Variants in DPT observed in about 807,000 individuals in gnomAD.
The protein encoded by DPT is dermatopontin.
DPT carries 21 observed loss-of-function variants against 31.2 expected under a neutral mutation model. The observed-to-expected ratio is 0.67, with a 90% confidence interval of 0.48 to 0.97. DPT has a LOEUF of 0.97. Ranked by LOEUF, DPT falls within the 50% of genes least tolerant of loss-of-function variation. The pLI is 0.00. For missense variants in DPT, 262 were observed against 258.8 expected (o/e 1.01, Z -0.08); for synonymous variants, 91 against 86.9 (o/e 1.05, Z -0.26).
At chr1:168,711,019 CT>C (rs968317059) in intron 2 of DPT, among the ~76,000 whole-genome samples, 1 of 143,486 alleles carries the variant, frequency 7.0e-6, no homozygotes. Context: ...TCTTCTTCTT[CT>C]TTTTTTTTGA....
intron 2 of DPT, among the ~76,000 whole-genome samples, chr1:168,703,248 C>T (rs1260949015): frequency 6.6e-6 from 1 of 152,120 alleles, no homozygotes; most frequent in African/African-American, 2.4e-5. Flanking sequence ...ATCCAATTGC[C>T]AAAAGTATTT....
intron 1 of DPT, among the ~76,000 whole-genome samples, chr1:168,725,175 C>T (rs961800634): frequency 7.6e-6 from 1 of 131,692 alleles, no homozygotes; most frequent in Non-Finnish European, 1.6e-5. Flanking sequence ...AGGTGGGAGT[C>T]ACACCTTCCT....
At chr1:168,728,023 T>C (rs1650288888) in intron 1 of DPT, among the ~76,000 whole-genome samples, 1 of 152,116 alleles carries the variant, frequency 6.6e-6, no homozygotes, top group Non-Finnish European at 1.5e-5. Context: ...TTGTAAATAA[T>C]CAGCCTAGCA....
At chr1:168,717,562 A>T (rs569385375) in intron 1 of DPT, among the ~76,000 whole-genome samples, 1 of 152,268 alleles carries the variant, frequency 6.6e-6, no homozygotes, top group African/African-American at 2.4e-5. Flanking sequence ...TAGTTCAATT[A>T]GATCCCATTT....
At chr1:168,701,489 T>C (rs1649596496) in intron 2 of DPT, among the ~76,000 whole-genome samples, 1 of 152,150 alleles carries the variant, frequency 6.6e-6, no homozygotes, top group Non-Finnish European at 1.5e-5. Flanking sequence ...CATTAGTTGA[T>C]AACAAAATCA....
At chr1:168,707,410 A>G (rs1048615502) in intron 2 of DPT, among the ~76,000 whole-genome samples, 25 of 152,320 alleles carry the variant, frequency 1.6e-4, no homozygotes, top group Admixed American at 1.4e-3. Flanking sequence ...CAGACTAGAT[A>G]GAATAAAGCA....
At chr1:168,703,381 A>C (rs776488964) in intron 2 of DPT, among the ~76,000 whole-genome samples, 1 of 152,250 alleles carries the variant, frequency 6.6e-6, no homozygotes, top group Non-Finnish European at 1.5e-5. Context: ...TAAAAACATC[A>C]AGAAGTTTTA....
intron 2 of DPT, among the ~76,000 whole-genome samples, chr1:168,711,192 T>G (rs1208858377): frequency 6.9e-6 from 1 of 144,010 alleles, no homozygotes; most frequent in African/African-American, 2.7e-5. Context: ...TTTTTTTTTT[T>G]GTATTTTTAG....
intron 2 of DPT, among the ~76,000 whole-genome samples, chr1:168,703,729 A>G (rs1649654034): frequency 6.6e-6 from 1 of 152,176 alleles, no homozygotes; most frequent in African/African-American, 2.4e-5. Flanking sequence ...AGGAGGTTGG[A>G]TATCGATGGA....
intron 2 of DPT, among the ~76,000 whole-genome samples, chr1:168,702,903 C>A (rs762449617): frequency 6.6e-6 from 1 of 152,128 alleles, no homozygotes; most frequent in Admixed American, 6.5e-5. Context: ...TGAGCCACTG[C>A]GCCCAGCATG....
chr1:168,729,082 A>G lies in DPT; in HGVS notation c.93T>C (p.His31=). The change falls in exon 1 of 4, where the codon CAT becomes CAC. Residue 31 remains histidine, a synonymous_variant. Coordinates refer to ENST00000367817, the MANE Select transcript of DPT (RefSeq NM_001937.5). ...TCACCCACCCATCATCGCTGTAGTC[A>G]TGATACTGCTGGTATGGGTATCCAT... ...GDYGYPYQQY[H]DYSDDGWVNL... is the part of the protein sequence containing the mutation. 6.2e-7 allele frequency: 1 copy of G among 1,614,232 alleles called. No individual in the cohort carries two copies. The highest frequency in any genetic ancestry group is 8.5e-7 in the Non-Finnish European group (1 of 1,180,054).
intron 1 of DPT, 123 bp downstream of exon 1, chr1:168,728,747 G>T (rs371372213): frequency 1.6e-6 from 2 of 1,220,270 alleles, no homozygotes; most frequent in African/African-American, 3.0e-5. Context: ...GCAGTGGTGA[G>T]GTTTGGGGTG....
intron 3 of DPT, among the ~76,000 whole-genome samples, chr1:168,697,686 T>G (rs1347791807): frequency 2.0e-5 from 3 of 152,264 alleles, no homozygotes; most frequent in African/African-American, 7.2e-5. Context: ...TAATGATAAT[T>G]GTAGCCTCTA....
intron 2 of DPT, among the ~76,000 whole-genome samples, chr1:168,712,229 G>A (rs140031533): frequency 2.0e-5 from 3 of 152,108 alleles, no homozygotes; most frequent in Admixed American, 6.5e-5. Flanking sequence ...AGGCATCTAC[G>A]AAGGGCAGAG....
At chr1:168,704,346 A>G (rs1372248569) in intron 2 of DPT, among the ~76,000 whole-genome samples, 1 of 152,208 alleles carries the variant, frequency 6.6e-6, no homozygotes, top group African/African-American at 2.4e-5. Context: ...CTTTTCAAAC[A>G]TTTCTATGGG....
At position 168,729,109 on chromosome 1, in the gene DPT, A is replaced by G. The variant is rs752978633; in HGVS notation, c.66T>C (p.Asp22=). 1 of 1,614,076 alleles carries G rather than the reference A, an allele frequency of 6.2e-7. No individual in the cohort carries two copies. Among genetic ancestry groups the G allele is most frequent in the Non-Finnish European group, 8.5e-7 (1 of 1,180,026 alleles). ...GATACTGCTGGTATGGGTATCCATA[A>G]TCGCCATACTGGCCCCAGGCCATGG... The part of the protein sequence containing the change: ...LVTMAWGQYG[D]YGYPYQQYHD... Residue 22 remains aspartate (D), a synonymous_variant, in exon 1 of 4, where the codon GAT becomes GAC. Coordinates refer to ENST00000367817, the MANE Select transcript of DPT (RefSeq NM_001937.5).
At chr1:168,704,616 C>G (rs1249782802) in intron 2 of DPT, among the ~76,000 whole-genome samples, 1 of 151,872 alleles carries the variant, frequency 6.6e-6, no homozygotes, top group African/African-American at 2.4e-5. Context: ...TGTGTGCATG[C>G]GCACTTTCAG....
In DPT at chr1:168,720,855, A is replaced by T. The variant is rs191499753; in HGVS notation, c.306-6509T>A. Among the ~76,000 whole-genome samples, 43 of 152,346 alleles carry T rather than the reference A, an allele frequency of 2.8e-4. 1 individual carries two copies. Among genetic ancestry groups the T allele is most frequent in the African/African-American group, 8.2e-4 (34 of 41,584 alleles). On this transcript the variant is annotated intron_variant, in intron 1 of 3. Coordinates refer to ENST00000367817, the MANE Select transcript of DPT (RefSeq NM_001937.5). Reference sequence around the variant, plus strand: ...TTTTGTTAATTCTATTTTCCCCAGAATAATTCTTTGAGTTGCTATCAGGCA... The same window carrying T: ...TTTTGTTAATTCTATTTTCCCCAGATTAATTCTTTGAGTTGCTATCAGGCA...
intron 1 of DPT, among the ~76,000 whole-genome samples, chr1:168,725,215 A>ATTCCTTTCCTTTCCTTTCCTTGCCT: frequency 9.0e-6 from 1 of 110,770 alleles, no homozygotes; most frequent in South Asian, 3.7e-4. Context: ...TTTCCTTTCC[A>ATTCCTTTCCTTTCCTTTCCTTGCCT]TTCCTTTCCT....
Sources: allele counts gnomAD v4.1 joint callset (sites outside exome capture counted in the v4.1 genomes callset), GRCh38; gene constraint gnomAD v4.1.1; transcripts MANE v1.5; gene names NCBI Gene and HGNC (gene_info 2026-07-23, HGNC 2026-07-21).